The following HPD variants were observed in gnomAD, a reference collection of about 807,000 sequenced individuals.
HPD encodes 4-hydroxyphenylpyruvic acid oxidase.
A neutral mutation model predicts 56.9 loss-of-function variants in HPD; 35 were observed. The observed-to-expected ratio is 0.62, with a 90% CI of 0.47 to 0.82. HPD has a LOEUF of 0.82. Among genes scored for constraint, HPD ranks in the 40% least tolerant of loss-of-function variants. The pLI, the probability that HPD is intolerant of heterozygous loss-of-function variation, is 0.00. For missense variants in HPD, 442 were observed against 506.8 expected (o/e 0.87, Z 1.23); for synonymous variants, 186 against 200.2 (o/e 0.93, Z 0.60).
At chr12:121,879,677 C>A in the HPD span, among the ~76,000 whole-genome samples, 137 of 152,194 alleles carry the variant, frequency 9.0e-4, no homozygotes, top group African/African-American at 2.8e-3. Flanking sequence ...CTGGCCCACA[C>A]AGACTACTTT....
In HPD at chr12:121,858,724, AAAG is replaced by A. The variant is rs754333920; in HGVS notation, c.4-14_4-12del. The A allele has an allele frequency of 1.2e-5, 19 of 1,613,994 alleles. No individual in the cohort carries two copies. Among genetic ancestry groups the A allele is most frequent in the South Asian group, 1.1e-4 (10 of 91,068 alleles). On this transcript the variant is annotated splice_polypyrimidine_tract_variant and intron_variant, in intron 1 of 13. Transcript: ENST00000289004. Reference sequence around the variant, plus strand: ...GTCACTGTAAGTCGTCTAAGGAGAAAAAGAAGGACAGTGAGACTTGGAGGTTCC... The same window carrying A: ...GTCACTGTAAGTCGTCTAAGGAGAAAAAGGACAGTGAGACTTGGAGGTTCC...
At chr12:121,840,590 A>G (rs1877375472) in intron 12 of HPD, among the ~76,000 whole-genome samples, 1 of 151,830 alleles carries the variant, frequency 6.6e-6, no homozygotes, top group Non-Finnish European at 1.5e-5. Flanking sequence ...GTGAGCCACC[A>G]TGACCTGCTG....
chr12:121,881,830 T>TTTTTTTTTTTTTG, the HPD span, among the ~76,000 whole-genome samples: 1 of 137,606 alleles, frequency 7.3e-6, no homozygotes, highest in Non-Finnish European at 1.6e-5. Flanking sequence ...GTATTTTTAA[T>TTTTTTTTTTTTTG]AGAGACAGGG....
In HPD at chr12:121,854,693, G is replaced by A; in HGVS notation, c.414+10C>T. On this transcript the variant is annotated intron_variant, in intron 7 of 13. Coordinates refer to ENST00000289004, the MANE Select transcript of HPD (RefSeq NM_002150.3). Reference sequence around the variant, plus strand: ...CAGCAGGAGGGGTGGGGGCACCAAAGGGAACTCACCGTCTGCAGCACAGCA... The same window carrying A: ...CAGCAGGAGGGGTGGGGGCACCAAAAGGAACTCACCGTCTGCAGCACAGCA... The A allele has an allele frequency of 1.2e-6, 2 of 1,602,442 alleles. No homozygotes were observed. The highest frequency in any genetic ancestry group is 1.1e-5 in the South Asian group (1 of 90,850).
At chr12:121,852,593 G>C (rs1877828735) in intron 7 of HPD, among the ~76,000 whole-genome samples, 1 of 139,380 alleles carries the variant, frequency 7.2e-6, no homozygotes, top group African/African-American at 2.8e-5. Context: ...ACTGTTCTAA[G>C]TGCTATACAC....
At chr12:121,857,636 C>T in intron 3 of HPD, 121 bp downstream of exon 3, 1 of 926,022 alleles carries the variant, frequency 1.1e-6, no homozygotes, top group Non-Finnish European at 1.8e-6. Flanking sequence ...AGTATCTGGC[C>T]CACCCCTGGC....
chr12:121,884,992 G>A, the HPD span, among the ~76,000 whole-genome samples: 5 of 152,024 alleles, frequency 3.3e-5, no homozygotes, highest in Non-Finnish European at 7.4e-5. Context: ...AGGTTCAAGC[G>A]ATTCTCTCCT....
upstream of HPD, among the ~76,000 whole-genome samples, chr12:121,865,450 A>G (rs1024874029): frequency 6.0e-5 from 9 of 150,678 alleles, no homozygotes; most frequent in African/African-American, 2.2e-4. Context: ...TTGTATTTTT[A>G]GTAGAGATGG....
chr12:121,858,858 A>C lies in HPD; in HGVS notation c.-35T>G, dbSNP rs1362662970. 2 of 1,613,596 alleles carry C rather than the reference A, an allele frequency of 1.2e-6. No homozygotes were observed. The highest frequency in any genetic ancestry group is 1.7e-6 in the Non-Finnish European group (2 of 1,179,652). Reference sequence around the variant, plus strand: ...TAGTCAAACCTCCTACTGGGACTAGAGGCCTGGGGAGTGCTGGGCCGGAGT... The same window carrying C: ...TAGTCAAACCTCCTACTGGGACTAGCGGCCTGGGGAGTGCTGGGCCGGAGT... On this transcript the variant is annotated 5_prime_UTR_variant, in exon 1 of 14. Coordinates refer to ENST00000289004, the MANE Select transcript of HPD (RefSeq NM_002150.3).
intron 7 of HPD, among the ~76,000 whole-genome samples, chr12:121,852,962 G>A (rs1330974438): frequency 6.6e-6 from 1 of 152,162 alleles, no homozygotes; most frequent in African/African-American, 2.4e-5. Context: ...ACCCTATGAG[G>A]AGTCATAGTT....
the HPD span, among the ~76,000 whole-genome samples, chr12:121,883,290 A>G: frequency 6.6e-6 from 1 of 150,892 alleles, no homozygotes; most frequent in Non-Finnish European, 1.5e-5. Flanking sequence ...CAGGAGTCTT[A>G]AAGGCCAAGA....
chr12:121,847,222 GT>G lies in HPD; in HGVS notation c.597-9del. 1 of 1,614,068 alleles carries G rather than the reference GT, an allele frequency of 6.2e-7. No homozygotes were observed. Among genetic ancestry groups the G allele is most frequent in the South Asian group, 1.1e-5 (1 of 91,064 alleles). ...TGCAGGTTTTTCAGGTACCTGTAGG[GT>G]GGGCGGTGGAACACATATGCTCTGA... On this transcript the variant is annotated splice_polypyrimidine_tract_variant and intron_variant, in intron 9 of 13. Transcript: ENST00000289004.
At chr12:121,850,788 T>C (rs1276021525) in intron 7 of HPD, among the ~76,000 whole-genome samples, 1 of 142,558 alleles carries the variant, frequency 7.0e-6, no homozygotes, top group Non-Finnish European at 1.5e-5. Context: ...AACCTCCGCC[T>C]CCCAGGTTCA....
chr12:121,847,287 TC>T, intron 9 of HPD, 73 bp from the exon 10 acceptor site: 1 of 1,411,718 alleles, frequency 7.1e-7, no homozygotes, highest in Non-Finnish European at 1.0e-6. Context: ...ATTTCCACCT[TC>T]CAGAATCTGT....
chr12:121,875,859 A>G, the HPD span, among the ~76,000 whole-genome samples: 1 of 152,148 alleles, frequency 6.6e-6, no homozygotes, highest in Admixed American at 6.6e-5. Context: ...ATTGGCTCAC[A>G]TCTATATTCC....
At chr12:121,852,066 C>T (rs921724116) in intron 7 of HPD, among the ~76,000 whole-genome samples, 10 of 152,182 alleles carry the variant, frequency 6.6e-5, no homozygotes, top group African/African-American at 2.2e-4. Context: ...GTCAACCAGG[C>T]TGAAGTGCAG....
At chr12:121,884,514 C>T in the HPD span, among the ~76,000 whole-genome samples, 1 of 151,896 alleles carries the variant, frequency 6.6e-6, no homozygotes, top group African/African-American at 2.4e-5. Context: ...GCTATATTGC[C>T]CAGGCTGGTC....
chr12:121,885,949 C>T, the HPD span, among the ~76,000 whole-genome samples: 1 of 151,340 alleles, frequency 6.6e-6, no homozygotes, highest in Non-Finnish European at 1.5e-5. Context: ...ACAGAGCCAC[C>T]ACGCCCGGAT....
At chr12:121,869,713 C>G in the HPD span, among the ~76,000 whole-genome samples, 1 of 151,250 alleles carries the variant, frequency 6.6e-6, no homozygotes, top group East Asian at 2.0e-4. Context: ...TTAGTAGAGA[C>G]AGGGTTTCAC....
Sources: allele counts gnomAD v4.1 joint callset (sites outside exome capture counted in the v4.1 genomes callset), GRCh38; gene constraint gnomAD v4.1.1; transcripts MANE v1.5; gene names NCBI Gene and HGNC (gene_info 2026-07-23, HGNC 2026-07-21).